IL1RAPL1: variants seen among roughly 807,000 people sequenced by gnomAD.
IL1RAPL1 encodes interleukin-1 receptor accessory protein-like 1.
Under a neutral mutation model 48.4 loss-of-function variants are expected in IL1RAPL1, and 3 were observed. The ratio of observed to expected loss-of-function variants is 0.06; its 90% CI spans 0.03 to 0.16. The LOEUF is 0.16. IL1RAPL1 is among the 10% of genes least tolerant of loss of function. IL1RAPL1 has a pLI of 1.00. For missense variants in IL1RAPL1, 349 were observed against 530.6 expected, an observed-to-expected ratio of 0.66 and a Z score of 3.36; for synonymous variants, 185 against 187.7, an observed-to-expected ratio of 0.99 and a Z score of 0.12.
intron 3 of IL1RAPL1, among the ~76,000 whole-genome samples, chrX:29,348,980 C>T (rs1933187591): frequency 8.9e-6 from 1 of 111,783 alleles, no homozygotes. Flanking sequence ...TGGAGGTTAC[C>T]TCAAAATCAC....
intron 2 of IL1RAPL1, among the ~76,000 whole-genome samples, chrX:28,954,482 C>T (rs761062350): frequency 1.8e-5 from 2 of 109,650 alleles, no homozygotes; most frequent in East Asian, 2.9e-4. Flanking sequence ...TCATAATATA[C>T]CTGTATTATT....
intron 2 of IL1RAPL1, among the ~76,000 whole-genome samples, chrX:29,084,600 T>C (rs1308400972): frequency 8.9e-6 from 1 of 112,481 alleles, no homozygotes; most frequent in Non-Finnish European, 1.9e-5. Flanking sequence ...GTCCTCCTAA[T>C]AGTTAAGTTT....
chrX:29,272,831 ATTC>A (rs1932063677), intron 2 of IL1RAPL1, among the ~76,000 whole-genome samples: 1 of 111,427 alleles, frequency 9.0e-6, no homozygotes, highest in Admixed American at 9.5e-5. Context: ...GGTTTTGTTC[ATTC>A]TTCTTTATTC....
intron 2 of IL1RAPL1, among the ~76,000 whole-genome samples, chrX:28,955,335 T>A (rs766317691): frequency 9.0e-6 from 1 of 111,416 alleles, no homozygotes; most frequent in African/African-American, 3.3e-5. Flanking sequence ...CCTTCTTTTG[T>A]GATAATTTAG....
chrX:28,828,111 A>G, intron 2 of IL1RAPL1, among the ~76,000 whole-genome samples: 1 of 111,850 alleles, frequency 8.9e-6, no homozygotes, highest in Middle Eastern at 4.6e-3. Context: ...GTAAATTGAA[A>G]GATAAATTTA....
chrX:29,631,350 G>A (rs757058899), intron 5 of IL1RAPL1, among the ~76,000 whole-genome samples: 29 of 111,521 alleles, frequency 2.6e-4, no homozygotes, highest in Non-Finnish European at 3.4e-4. Flanking sequence ...GATTCACTGC[G>A]GCCTCAACCT....
At chrX:29,793,784 A>G (rs1455506889) in intron 6 of IL1RAPL1, among the ~76,000 whole-genome samples, 1 of 112,336 alleles carries the variant, frequency 8.9e-6, no homozygotes. Context: ...GCTTTATTAC[A>G]AAGCATGGGG....
Position 29,498,674 on chromosome X carries a change from T to C in IL1RAPL1, c.703+99366T>C, listed in dbSNP as rs541644867. Among the ~76,000 whole-genome samples, 7 of 111,653 alleles carry C rather than the reference T, an allele frequency of 6.3e-5. No individual in the cohort carries two copies. In the South Asian group the frequency reaches 2.6e-3, roughly 41 times the overall value. ...AGATTAGGTGCACACAAATATTGAA[T>C]ATGTCATTAAATAACCCGTTATTTT... On this transcript the variant is annotated intron_variant, in intron 5 of 10. Transcript: ENST00000378993.
At chrX:29,441,305 T>G (rs185630145) in intron 5 of IL1RAPL1, among the ~76,000 whole-genome samples, 1 of 112,121 alleles carries the variant, frequency 8.9e-6, no homozygotes, top group Non-Finnish European at 1.9e-5. Flanking sequence ...TTCTGGCACT[T>G]AAGTCAAAAT....
intron 2 of IL1RAPL1, among the ~76,000 whole-genome samples, chrX:28,873,523 C>CTTTTTTTTTTTTTTTTTT (rs10554661): frequency 1.9e-4 from 11 of 56,659 alleles, no homozygotes; most frequent in African/African-American, 8.9e-4. Flanking sequence ...TTCTTTCTTT[C>CTTTTTTTTTTTTTTTTTT]TTTTTTTTTT....
In IL1RAPL1 at chrX:29,902,157, AT is replaced by A. The variant is rs750328018; in HGVS notation, c.779-15303del. Among the ~76,000 whole-genome samples the A allele has an allele frequency of 1.9e-3, 208 of 106,791 alleles. 2 individuals are homozygous for A. The highest frequency in any genetic ancestry group is 6.6e-3 in the African/African-American group (196 of 29,807). The allele number at this position is 106,791 out of a possible 115,157, so 92.7% of individuals were successfully genotyped here. A position where few individuals can be genotyped will look rare whatever the true frequency, so the allele number is the denominator to read the frequency against. Reference sequence around the variant, plus strand: ...GAGTAATTTCTACTGTATAGTCATCATTTTCCCGCATCATTTATCTAAGACC... The same window carrying A: ...GAGTAATTTCTACTGTATAGTCATCATTTCCCGCATCATTTATCTAAGACC... On this transcript the variant is annotated intron_variant, in intron 6 of 10. Transcript: ENST00000378993.
intron 2 of IL1RAPL1, among the ~76,000 whole-genome samples, chrX:28,823,574 G>T (rs1225381411): frequency 9.0e-6 from 1 of 111,303 alleles, no homozygotes; most frequent in Non-Finnish European, 1.9e-5. Flanking sequence ...GAAATTTATT[G>T]TCCTAGATTT....
intron 6 of IL1RAPL1, among the ~76,000 whole-genome samples, chrX:29,693,592 G>A (rs972840532): frequency 8.9e-6 from 1 of 112,007 alleles, no homozygotes; most frequent in Non-Finnish European, 1.9e-5. Flanking sequence ...TCTTCATAGA[G>A]GATTTATGAG....
chrX:28,962,207 C>T (rs1476125458), intron 2 of IL1RAPL1, among the ~76,000 whole-genome samples: 4 of 111,959 alleles, frequency 3.6e-5, no homozygotes, highest in African/African-American at 9.7e-5. Flanking sequence ...ATCTGGTTCT[C>T]TATTGGAAAA....
chrX:29,243,903 G>A (rs1296949913), intron 2 of IL1RAPL1, among the ~76,000 whole-genome samples: 8 of 111,015 alleles, frequency 7.2e-5, no homozygotes, highest in African/African-American at 2.3e-4. Flanking sequence ...ACCTCTAAAG[G>A]GTCTTGAATT....
intron 6 of IL1RAPL1, among the ~76,000 whole-genome samples, chrX:29,803,196 C>T (rs1312481593): frequency 7.8e-5 from 2 of 25,582 alleles, no homozygotes; most frequent in Non-Finnish European, 1.5e-4. Flanking sequence ...TATATGTATA[C>T]ATATACACAC....
chrX:29,259,165 C>T (rs1931807961), intron 2 of IL1RAPL1, among the ~76,000 whole-genome samples: 1 of 111,722 alleles, frequency 9.0e-6, no homozygotes, highest in Non-Finnish European at 1.9e-5. Context: ...ACAAAAAACA[C>T]AGCTCAAATC....
At chrX:29,520,038 T>A (rs939102651) in intron 5 of IL1RAPL1, among the ~76,000 whole-genome samples, 1 of 112,406 alleles carries the variant, frequency 8.9e-6, no homozygotes, top group Non-Finnish European at 1.9e-5. Flanking sequence ...TGTGCTTAAC[T>A]GGTCTATCCA....
At chrX:29,029,513 C>T (rs779191458) in intron 2 of IL1RAPL1, among the ~76,000 whole-genome samples, 1 of 111,686 alleles carries the variant, frequency 9.0e-6, no homozygotes. Context: ...CAACTGATTT[C>T]TTTAGCTCTT....
Sources: allele counts gnomAD v4.1 joint callset (sites outside exome capture counted in the v4.1 genomes callset), GRCh38; gene constraint gnomAD v4.1.1; transcripts MANE v1.5; gene names NCBI Gene and HGNC (gene_info 2026-07-23, HGNC 2026-07-21).